The following ADAMTS17 variants were observed in gnomAD, a reference collection of about 807,000 sequenced individuals.
ADAMTS17 encodes the protein A disintegrin and metalloproteinase with thrombospondin motifs 17.
In ADAMTS17, 113 loss-of-function variants were observed where a neutral mutation model predicts 141.5. That is an observed-to-expected ratio of 0.80 (90% CI 0.69 to 0.93). ADAMTS17 has a LOEUF of 0.93. Among genes scored for constraint, ADAMTS17 ranks in the 40% least tolerant of loss-of-function variants. The pLI, the probability that ADAMTS17 is intolerant of heterozygous loss-of-function variation, is 0.00. For synonymous variants in ADAMTS17, 768 were observed against 630.6 expected, an observed-to-expected ratio of 1.22 and a Z score of -3.27; for missense variants, 1,659 against 1,517.9, an observed-to-expected ratio of 1.09 and a Z score of -1.54.
At chr15:100,139,743 C>G (rs2038529004) in intron 10 of ADAMTS17, among the ~76,000 whole-genome samples, 2 of 152,102 alleles carry the variant, frequency 1.3e-5, no homozygotes, top group African/African-American at 4.8e-5. Context: ...CAGACAAACC[C>G]AAAGGCAAAC....
At chr15:100,204,943 C>G (rs1567348398) in intron 7 of ADAMTS17, among the ~76,000 whole-genome samples, 2 of 152,186 alleles carry the variant, frequency 1.3e-5, no homozygotes, top group Non-Finnish European at 2.9e-5. Context: ...GACCGGGAGT[C>G]ATACAGCAGT....
At chr15:100,171,497 C>T (rs143303674) in intron 8 of ADAMTS17, among the ~76,000 whole-genome samples, 163 of 152,268 alleles carry the variant, frequency 1.1e-3, no homozygotes, top group African/African-American at 3.7e-3. Context: ...GACCCCTGCA[C>T]GCTCCCACAA....
intron 2 of ADAMTS17, among the ~76,000 whole-genome samples, chr15:100,339,993 G>A (rs1202249199): frequency 6.6e-6 from 1 of 152,234 alleles, no homozygotes; most frequent in African/African-American, 2.4e-5. Context: ...CACAAGAAAA[G>A]GTGGAGGTGT....
In ADAMTS17 at chr15:100,037,131, GAT is replaced by G. The variant is rs1491560021; in HGVS notation, c.2591+11724_2591+11725del. 4.8e-3 allele frequency among the ~76,000 whole-genome samples: 730 copies of G among 152,098 alleles called. 2 individuals carry two copies. The highest frequency in any genetic ancestry group is 7.7e-3 in the Admixed American group (118 of 15,274). On this transcript the variant is annotated intron_variant, in intron 18 of 21. Transcript: ENST00000268070. ...AGCAGAACTTTTTGAGGAACTACCA[GAT>G]TTTTTTTAAAAAGCGGTTGTGTCAT...
chr15:100,223,740 A>ATG (rs1324959074), intron 7 of ADAMTS17, among the ~76,000 whole-genome samples: 7 of 140,940 alleles, frequency 5.0e-5, no homozygotes, highest in East Asian at 2.0e-4. Flanking sequence ...ATACACATGT[A>ATG]TGTGTATATA....
At chr15:100,124,686 G>C (rs991044988) in intron 12 of ADAMTS17, among the ~76,000 whole-genome samples, 1 of 152,248 alleles carries the variant, frequency 6.6e-6, no homozygotes, top group Non-Finnish European at 1.5e-5. Context: ...TGTGCACGGA[G>C]CTGTGCTTCT....
chr15:99,977,541 G>A (rs1270699588), intron 20 of ADAMTS17, among the ~76,000 whole-genome samples: 2 of 149,478 alleles, frequency 1.3e-5, no homozygotes. Flanking sequence ...AGCCTTCTGA[G>A]TAGCTGGGAT....
intron 15 of ADAMTS17, among the ~76,000 whole-genome samples, chr15:100,089,361 A>AC (rs1555445815): frequency 7.0e-6 from 1 of 141,864 alleles, no homozygotes. Context: ...GTGGAGAAAT[A>AC]GAACACTTTT....
intron 7 of ADAMTS17, among the ~76,000 whole-genome samples, chr15:100,214,278 C>T (rs1031986940): frequency 2.6e-5 from 4 of 152,136 alleles, no homozygotes; most frequent in African/African-American, 9.7e-5. Flanking sequence ...GAAGAAGGTT[C>T]TACCTTATGC....
intron 20 of ADAMTS17, among the ~76,000 whole-genome samples, chr15:99,989,559 G>A (rs1486887154): frequency 6.6e-6 from 1 of 152,244 alleles, no homozygotes; most frequent in Non-Finnish European, 1.5e-5. Context: ...ATGCAGGCAT[G>A]AGGTAATCAT....
At chr15:100,265,134 C>T (rs994535790) in intron 4 of ADAMTS17, among the ~76,000 whole-genome samples, 2 of 152,174 alleles carry the variant, frequency 1.3e-5, no homozygotes, top group Non-Finnish European at 2.9e-5. Context: ...AGCTCAAGCA[C>T]TTTGTCACCT....
intron 15 of ADAMTS17, among the ~76,000 whole-genome samples, chr15:100,087,452 A>G (rs1248962089): frequency 1.5e-5 from 2 of 129,922 alleles, no homozygotes; most frequent in Non-Finnish European, 3.1e-5. Flanking sequence ...TATTCCAATC[A>G]ATAGAAAAAG....
intron 7 of ADAMTS17, among the ~76,000 whole-genome samples, chr15:100,235,357 A>G (rs1441275713): frequency 6.6e-6 from 1 of 151,918 alleles, no homozygotes; most frequent in Non-Finnish European, 1.5e-5. Context: ...TGAGCATGCA[A>G]AGATCCTCCC....
rs147001770 is a variant in ADAMTS17 at position 100,065,972 on chromosome 15, G to A, written c.2138-11918C>T. On this transcript the variant is annotated intron_variant, in intron 15 of 21. Coordinates refer to ENST00000268070, the MANE Select transcript of ADAMTS17 (RefSeq NM_139057.4). ...CTCCCACTTATGAGTGAGAACATGC[G>A]GTGTTTGGTTTTCTGTTTTTGTGTT... is the stretch of plus-strand genomic sequence containing the variant. Among the ~76,000 whole-genome samples the A allele has an allele frequency of 2.2e-3, 328 of 152,208 alleles. 1 individual carries two copies. The highest frequency in any genetic ancestry group is 6.3e-3 in the African/African-American group (261 of 41,514).
At chr15:100,253,924 A>AT (rs1229286323) in intron 7 of ADAMTS17, among the ~76,000 whole-genome samples, 7 of 152,066 alleles carry the variant, frequency 4.6e-5, no homozygotes, top group African/African-American at 1.7e-4. Context: ...AGCTTCCTTA[A>AT]TGACCCTTCA....
chr15:99,993,195 A>C lies in ADAMTS17; in HGVS notation c.2802T>G (p.Ser934=). Residue 934 remains serine, a synonymous_variant, in exon 20 of 22, where the codon TCT becomes TCG. Transcript: ENST00000268070. This position sits in a 1 kb window ranked among gnomAD's most constrained non-coding sequence, Gnocchi z 4.3. Reference sequence around the variant, plus strand: ...TCCACACCCCTTTACCACAGCTGGCAGAGCACTGCAAGACACCATTCAAAT... The same window carrying C: ...TCCACACCCCTTTACCACAGCTGGCCGAGCACTGCAAGACACCATTCAAAT... ...IWEASEWSQC[S]ASCGKGVWKR... is the part of the protein sequence containing the mutation. 6.2e-7 allele frequency: 1 copy of C among 1,614,194 alleles called. No individual in the cohort carries two copies. The highest frequency in any genetic ancestry group is 8.5e-7 in the Non-Finnish European group (1 of 1,180,032).
At chr15:100,004,247 T>C (rs1251559296) in intron 18 of ADAMTS17, among the ~76,000 whole-genome samples, 1 of 152,268 alleles carries the variant, frequency 6.6e-6, no homozygotes, top group East Asian at 1.9e-4. Context: ...CAGCGTATTT[T>C]AGCTGTTTTT....
intron 2 of ADAMTS17, among the ~76,000 whole-genome samples, chr15:100,332,359 A>T (rs966286192): frequency 2.0e-5 from 3 of 152,246 alleles, no homozygotes; most frequent in Admixed American, 2.0e-4. Context: ...GCCTCGGTGC[A>T]GAACACCCGA....
At chr15:100,117,726 G>C (rs192715163) in intron 12 of ADAMTS17, among the ~76,000 whole-genome samples, 118 of 152,270 alleles carry the variant, frequency 7.7e-4, no homozygotes, top group African/African-American at 2.6e-3. Context: ...CTGTGCTTCT[G>C]CAAGGCCCCA....
Sources: gnomAD v4.1 joint callset for allele counts (sites outside exome capture counted in the v4.1 genomes callset) on GRCh38, gnomAD v4.1.1 for gene constraint, Gnocchi (gnomAD v3.1) non-coding constraint, MANE v1.5 for transcripts, NCBI Gene and HGNC (gene_info 2026-07-23, HGNC 2026-07-21) for gene names.